Variants in ATP6V1B1 observed in about 807,000 individuals in gnomAD.
ATP6V1B1 encodes ATPase H+ transporting V1 subunit B1, also known as V-type proton ATPase subunit B, kidney isoform.
In ATP6V1B1, 41 loss-of-function variants were observed where a neutral mutation model predicts 62.1. That is an observed-to-expected ratio of 0.66 (90% confidence interval 0.51 to 0.86). The LOEUF (loss-of-function observed/expected upper bound fraction) is 0.86. ATP6V1B1 is among the 40% of genes least tolerant of loss of function. The pLI is 0.00. For synonymous variants in ATP6V1B1, 253 were observed against 273.4 expected (o/e 0.93, Z 0.74); for missense variants, 651 against 697.5 (o/e 0.93, Z 0.75).
At chr2:70,946,811 T>C (rs1164613100) in intron 2 of ATP6V1B1, among the ~76,000 whole-genome samples, 1 of 152,168 alleles carries the variant, frequency 6.6e-6, no homozygotes, top group Non-Finnish European at 1.5e-5. Context: ...AGTCGGAACC[T>C]ATACAGGTGT....
chr2:70,960,131 T>C (rs530257510), intron 6 of ATP6V1B1, 53 bp downstream of exon 6: 1 of 1,608,728 alleles, frequency 6.2e-7, no homozygotes, highest in South Asian at 1.1e-5. Flanking sequence ...GAGCAGAGGC[T>C]GGGGCTGCTG....
chr2:70,936,043 C>T lies in ATP6V1B1; in HGVS notation c.89C>T (p.Thr30Ile), dbSNP rs17720303. Reference protein sequence around the residue: ...GAAREHMQAVTRNYITHPRVT... With the variant: ...GAAREHMQAVIRNYITHPRVT... ...GCCCGAGAACACATGCAGGCGGTCACCCGAAACTACATCACCCACCCCCGT... is the reference window on the plus strand; with the variant it reads ...GCCCGAGAACACATGCAGGCGGTCATCCGAAACTACATCACCCACCCCCGT... Residue 30 changes from threonine (T) to isoleucine (I), a missense_variant, in exon 1 of 14, where the codon ACC becomes ATC. Thr to Ile is a moderately conservative substitution (Grantham distance 89). Coordinates refer to ENST00000234396, the MANE Select transcript of ATP6V1B1 (RefSeq NM_001692.4). The T allele has an allele frequency of 0.17, 276,608 of 1,613,698 alleles. 24,255 individuals carry two copies. Among genetic ancestry groups the T allele is most frequent in the Admixed American group, 0.25 (14,991 of 59,982 alleles).
At chr2:70,941,167 C>T in intron 1 of ATP6V1B1, 1 of 745,788 alleles carries the variant, frequency 1.3e-6, no homozygotes, top group Non-Finnish European at 1.6e-6. Flanking sequence ...ATCCACCCAC[C>T]TCAGCCTCCC....
intron 3 of ATP6V1B1, 80 bp downstream of exon 3, chr2:70,958,224 A>G: frequency 1.3e-6 from 2 of 1,591,778 alleles, no homozygotes; most frequent in South Asian, 2.2e-5. Flanking sequence ...ACAAACTCTG[A>G]AGGCAGGAAA....
At chr2:70,961,115 G>A in intron 7 of ATP6V1B1, 93 bp downstream of exon 7, 1 of 1,321,776 alleles carries the variant, frequency 7.6e-7, no homozygotes, top group Non-Finnish European at 1.1e-6. Flanking sequence ...TGATGGGGAA[G>A]CCATCAGTGT....
At chr2:70,941,918 G>A (rs1304184105) in intron 1 of ATP6V1B1, 3 of 990,710 alleles carry the variant, frequency 3.0e-6, no homozygotes, top group Non-Finnish European at 2.4e-6. Context: ...GGCCACTGAA[G>A]CCAGAGTGGA....
intron 3 of ATP6V1B1, 23 bp from the exon 4 acceptor site, chr2:70,958,310 G>A (rs1680494021): frequency 1.9e-6 from 3 of 1,613,550 alleles, no homozygotes; most frequent in East Asian, 2.2e-5. Context: ...CCTTAGTGGA[G>A]AAACTCCCTC....
chr2:70,964,771 C>T lies in ATP6V1B1; in HGVS notation c.1284C>T (p.Ala428=). The change falls in exon 13 of 14, where the codon GCC becomes GCT. Residue 428 remains alanine (A), a synonymous_variant. Coordinates refer to ENST00000234396, the MANE Select transcript of ATP6V1B1 (RefSeq NM_001692.4). The stretch of plus-strand genomic sequence containing the variant: ...ATGCCATCGGGAAGGACGTGCAGGC[C>T]ATGAAGGCAGTAGTTGGGGAGGAGG... ...ACYAIGKDVQ[A]MKAVVGEEAL... 1 of 1,614,016 alleles carries T rather than the reference C, an allele frequency of 6.2e-7. No individual in the cohort carries two copies. Among genetic ancestry groups the T allele is most frequent in the Non-Finnish European group, 8.5e-7 (1 of 1,180,030 alleles).
At chr2:70,941,240 A>G (rs1431710426) in intron 1 of ATP6V1B1, 2 of 978,050 alleles carry the variant, frequency 2.0e-6, no homozygotes, top group East Asian at 1.1e-4. Flanking sequence ...AGTGTGTACC[A>G]TATTCCCAGC....
intron 2 of ATP6V1B1, among the ~76,000 whole-genome samples, chr2:70,945,985 T>G (rs1343785131): frequency 1.3e-5 from 2 of 151,872 alleles, no homozygotes; most frequent in African/African-American, 4.8e-5. Flanking sequence ...TCTGGCCATG[T>G]ATCTCCTCCC....
chr2:70,948,892 T>A (rs1422773363), intron 2 of ATP6V1B1, among the ~76,000 whole-genome samples: 1 of 152,126 alleles, frequency 6.6e-6, no homozygotes, highest in African/African-American at 2.4e-5. Context: ...CCCTACTTGG[T>A]CACACCTTGC....
At chr2:70,958,003 C>T (rs377347169) in intron 2 of ATP6V1B1, 43 bp from the exon 3 acceptor site, 6 of 1,576,108 alleles carry the variant, frequency 3.8e-6, no homozygotes, top group African/African-American at 2.7e-5. Context: ...AGGGACTTTG[C>T]CTCCAGTCTC....
chr2:70,954,596 T>C (rs907695254), intron 2 of ATP6V1B1, among the ~76,000 whole-genome samples: 1 of 152,182 alleles, frequency 6.6e-6, no homozygotes, highest in Non-Finnish European at 1.5e-5. Context: ...AGGAAAGTGT[T>C]GTCTTTTTAC....
rs912354635 is a variant in ATP6V1B1 at position 70,959,436 on chromosome 2, A to G, written c.445+341A>G. Among the ~76,000 whole-genome samples the G allele has an allele frequency of 2.0e-5, 3 of 152,108 alleles. No homozygotes were observed. The highest frequency in any genetic ancestry group is 7.2e-5 in the African/African-American group (3 of 41,426). On this transcript the variant is annotated intron_variant, in intron 5 of 13. Transcript: ENST00000234396. This position sits in a 1 kb window ranked among gnomAD's most constrained non-coding sequence, Gnocchi z 4.2. ...TTCCCCAGGCCTCAAACCCTATCCC[A>G]TCTGTTTACTGAGGACACACTGGGA...
chr2:70,954,216 A>T (rs1680381683), intron 2 of ATP6V1B1, among the ~76,000 whole-genome samples: 1 of 152,112 alleles, frequency 6.6e-6, no homozygotes, highest in African/African-American at 2.4e-5. Context: ...AGCTTCTTCA[A>T]CATTTTTCTT....
intron 9 of ATP6V1B1, 26 bp downstream of exon 9, chr2:70,962,926 G>A (rs372736778): frequency 1.9e-4 from 302 of 1,613,242 alleles, no homozygotes; most frequent in Non-Finnish European, 1.7e-4. Context: ...AGGGGTGTCA[G>A]ATTCCTCCCT....
In ATP6V1B1 at chr2:70,962,824, T is replaced by C; in HGVS notation, c.833T>C (p.Phe278Ser). ...CGCCTGGCGCTGACCACTGCTGAATTCCTTGCCTACCAGTGTGAGAAGCAT... is the reference window on the plus strand; with the variant it reads ...CGCCTGGCGCTGACCACTGCTGAATCCCTTGCCTACCAGTGTGAGAAGCAT... ...TPRLALTTAEFLAYQCEKHVL... is the reference protein window; with the variant it reads ...TPRLALTTAESLAYQCEKHVL... Residue 278 changes from phenylalanine to serine, a missense_variant, in exon 9 of 14, where the codon TTC (phenylalanine) becomes TCC (serine). Transcript: ENST00000234396. 1 of 1,614,156 alleles carries C rather than the reference T, an allele frequency of 6.2e-7. No homozygotes were observed. Among genetic ancestry groups the C allele is most frequent in the South Asian group, 1.1e-5 (1 of 91,084 alleles).
intron 12 of ATP6V1B1, 68 bp from the exon 13 acceptor site, chr2:70,964,668 C>T: frequency 6.2e-7 from 1 of 1,612,722 alleles, no homozygotes; most frequent in South Asian, 1.1e-5. Flanking sequence ...CCAGTGTGGC[C>T]AGGTTGGGGG....
intron 1 of ATP6V1B1, chr2:70,940,384 C>G: frequency 1.1e-6 from 1 of 900,360 alleles, no homozygotes; most frequent in Non-Finnish European, 1.3e-6. Flanking sequence ...ATCTTTACAT[C>G]ACTGCTTTCT....
Sources: allele counts gnomAD v4.1 joint callset (sites outside exome capture counted in the v4.1 genomes callset), GRCh38; gene constraint gnomAD v4.1.1; non-coding constraint Gnocchi (gnomAD v3.1); transcripts MANE v1.5; gene names NCBI Gene and HGNC (gene_info 2026-07-23, HGNC 2026-07-21).